The following CADPS variants were observed in gnomAD, a reference collection of about 807,000 sequenced individuals.
The protein encoded by CADPS is calcium dependent secretion activator, also known as calcium-dependent secretion activator 1.
CADPS carries 57 observed loss-of-function variants against 167.3 expected under a neutral mutation model. The ratio of observed to expected loss-of-function variants is 0.34; its 90% CI spans 0.28 to 0.42. The LOEUF (loss-of-function observed/expected upper bound fraction) is 0.42, where lower values mean the gene tolerates loss of function less well. Among genes scored for constraint, CADPS ranks in the 20% least tolerant of loss-of-function variants. The pLI is 1.00. For synonymous variants in CADPS, 676 were observed against 635.3 expected, an observed-to-expected ratio of 1.06 and a Z score of -0.96; for missense variants, 1,414 against 1,738.1, an observed-to-expected ratio of 0.81 and a Z score of 3.32.
At chr3:62,750,470 C>T (rs148730660) in intron 3 of CADPS, among the ~76,000 whole-genome samples, 42 of 150,290 alleles carry the variant, frequency 2.8e-4, no homozygotes, top group African/African-American at 9.0e-4. Context: ...GGTATGTTAA[C>T]GCCTGAAGTC....
At chr3:62,739,522 C>T (rs1164764056) in intron 3 of CADPS, among the ~76,000 whole-genome samples, 2 of 152,174 alleles carry the variant, frequency 1.3e-5, no homozygotes, top group South Asian at 2.1e-4. Context: ...AAGGTAAGGG[C>T]TTTGCCGCTT....
intron 3 of CADPS, among the ~76,000 whole-genome samples, chr3:62,744,921 G>A (rs1248071176): frequency 8.5e-5 from 13 of 152,118 alleles, no homozygotes; most frequent in Non-Finnish European, 1.9e-4. Flanking sequence ...AGAAATATCT[G>A]GCCATGTGTT....
chr3:62,650,045 C>T (rs1311227465), intron 5 of CADPS, among the ~76,000 whole-genome samples: 1 of 152,142 alleles, frequency 6.6e-6, no homozygotes, highest in African/African-American at 2.4e-5. Context: ...TAAATATTTA[C>T]AGTCAAATCT....
At chr3:62,692,833 C>G (rs2079439213) in intron 3 of CADPS, among the ~76,000 whole-genome samples, 1 of 151,990 alleles carries the variant, frequency 6.6e-6, no homozygotes, top group Admixed American at 6.6e-5. Flanking sequence ...AATTTAGGGA[C>G]AGCTGACATC....
chr3:62,596,066 C>G (rs2058864950), intron 6 of CADPS, among the ~76,000 whole-genome samples: 2 of 148,942 alleles, frequency 1.3e-5, no homozygotes, highest in Admixed American at 1.3e-4. Context: ...ACTTAATTAA[C>G]TCCCGTTTTT....
intron 10 of CADPS, among the ~76,000 whole-genome samples, chr3:62,552,606 C>T (rs1472860920): frequency 6.6e-6 from 1 of 152,194 alleles, no homozygotes; most frequent in African/African-American, 2.4e-5. Context: ...CAGTGAGGTC[C>T]AGCCAGTAAT....
At chr3:62,572,409 T>G (rs1437986209) in intron 8 of CADPS, among the ~76,000 whole-genome samples, 3 of 152,140 alleles carry the variant, frequency 2.0e-5, no homozygotes, top group Non-Finnish European at 2.9e-5. Context: ...AGGAACCTCT[T>G]AATTGGTTTC....
chr3:62,782,655 T>C (rs941279626), intron 1 of CADPS, among the ~76,000 whole-genome samples: 4 of 152,140 alleles, frequency 2.6e-5, no homozygotes, highest in Non-Finnish European at 5.9e-5. Context: ...AAATATTAGA[T>C]TACATGGGGG....
Position 62,874,646 on chromosome 3 carries a change from G to A in CADPS, c.384C>T (p.Cys128=). The change falls in exon 1 of 30, where the codon TGC becomes TGT. Residue 128 remains cysteine (C), a synonymous_variant. Coordinates refer to ENST00000383710, the MANE Select transcript of CADPS (RefSeq NM_003716.4). This position sits in a 1 kb window ranked among gnomAD's most constrained non-coding sequence, Gnocchi z 7.1. ...GCTTGGCATTAAAGGGGTAGGCGAT[G>A]CAGCGCATCACGAACACATACAGCT... ...RLQLYVFVMR[C]IAYPFNAKQP... 6.4e-7 allele frequency: 1 copy of A among 1,560,162 alleles called. No individual in the cohort carries two copies.
chr3:62,750,222 G>A (rs1327499132), intron 3 of CADPS, among the ~76,000 whole-genome samples: 4 of 151,558 alleles, frequency 2.6e-5, no homozygotes, highest in South Asian at 2.1e-4. Flanking sequence ...ATGGTGGCAC[G>A]TGCCTGTAAT....
chr3:62,759,887 T>C (rs1256672933), intron 2 of CADPS, among the ~76,000 whole-genome samples: 1 of 152,192 alleles, frequency 6.6e-6, no homozygotes. Flanking sequence ...TTTACCTTCT[T>C]TGAGGCAAGG....
chr3:62,582,224 T>C (rs1026983623), intron 8 of CADPS, among the ~76,000 whole-genome samples: 3 of 152,230 alleles, frequency 2.0e-5, no homozygotes, highest in African/African-American at 7.2e-5. Context: ...GGCAGGCAGA[T>C]TGCTTGAGTC....
At chr3:62,543,565 C>T (rs981932652) in intron 11 of CADPS, among the ~76,000 whole-genome samples, 20 of 151,988 alleles carry the variant, frequency 1.3e-4, no homozygotes, top group Admixed American at 1.0e-3. Flanking sequence ...TAAGTATCTG[C>T]TTGAAGTGGT....
intron 1 of CADPS, among the ~76,000 whole-genome samples, chr3:62,867,515 CA>C (rs1301301585): frequency 6.6e-6 from 1 of 152,036 alleles, no homozygotes; most frequent in Admixed American, 6.6e-5. Context: ...AATGTCTCAA[CA>C]AAAGTGAAAG....
intron 3 of CADPS, among the ~76,000 whole-genome samples, chr3:62,733,876 T>C (rs146786671): frequency 9.3e-4 from 142 of 152,242 alleles, no homozygotes; most frequent in African/African-American, 3.3e-3. Flanking sequence ...CCAAAGCTCA[T>C]TATATCATTT....
intron 11 of CADPS, among the ~76,000 whole-genome samples, chr3:62,541,669 C>CTCTCATCTCA (rs2075720905): frequency 6.6e-6 from 1 of 152,116 alleles, no homozygotes; most frequent in Admixed American, 6.6e-5. Flanking sequence ...GGGTTTTATA[C>CTCTCATCTCA]TCTCATCTCA....
At chr3:62,864,874 A>T (rs2081402446) in intron 1 of CADPS, among the ~76,000 whole-genome samples, 1 of 152,018 alleles carries the variant, frequency 6.6e-6, no homozygotes, top group Non-Finnish European at 1.5e-5. Flanking sequence ...AGTGTATCTC[A>T]ACTTCTCAAC....
At chr3:62,737,170 A>AC (rs377397234) in intron 3 of CADPS, among the ~76,000 whole-genome samples, 249 of 152,108 alleles carry the variant, frequency 1.6e-3, no homozygotes, top group African/African-American at 5.7e-3. Flanking sequence ...ACACACACAC[A>AC]AAAATAACCC....
intron 1 of CADPS, among the ~76,000 whole-genome samples, chr3:62,810,221 TA>T (rs1299553248): frequency 6.6e-6 from 1 of 152,158 alleles, no homozygotes; most frequent in Non-Finnish European, 1.5e-5. Flanking sequence ...GGACTTGAAC[TA>T]AAAACTATTT....
Sources: gnomAD v4.1 joint callset for allele counts (sites outside exome capture counted in the v4.1 genomes callset) on GRCh38, gnomAD v4.1.1 for gene constraint, Gnocchi (gnomAD v3.1) non-coding constraint, MANE v1.5 for transcripts, NCBI Gene and HGNC (gene_info 2026-07-23, HGNC 2026-07-21) for gene names.